Variants in MTHFS observed in about 807,000 individuals in gnomAD.
MTHFS encodes 5-formyltetrahydrofolate cyclo-ligase.
A neutral mutation model predicts 12.7 loss-of-function variants in MTHFS; 7 were observed. The ratio of observed to expected loss-of-function variants is 0.55; its 90% CI spans 0.31 to 1.03. The LOEUF is 1.03. Among genes scored for constraint, MTHFS ranks in the 50% least tolerant of loss-of-function variants. The pLI is 0.05. For missense variants in MTHFS, 252 were observed against 258.1 expected (o/e 0.98, Z 0.16); for synonymous variants, 100 against 97.1 (o/e 1.03, Z -0.18).
intron 2 of MTHFS, among the ~76,000 whole-genome samples, chr15:79,885,155 T>C (rs577353419): frequency 6.6e-6 from 1 of 152,314 alleles, no homozygotes; most frequent in East Asian, 1.9e-4. Flanking sequence ...GAACCAATCA[T>C]AACCCTCCCA....
chr15:79,893,620 C>G (rs1262159861), intron 1 of MTHFS, among the ~76,000 whole-genome samples: 1 of 151,126 alleles, frequency 6.6e-6, no homozygotes, highest in Non-Finnish European at 1.5e-5. Context: ...ATGGCATGAA[C>G]CCGGGAAGCA....
At chr15:79,851,162 T>C (rs141703526) in intron 2 of MTHFS, among the ~76,000 whole-genome samples, 307 of 152,324 alleles carry the variant, frequency 2.0e-3, no homozygotes, top group African/African-American at 4.5e-3. Context: ...GTTAACTTAT[T>C]TATCATAACA....
At chr15:79,856,790 A>G (rs1309918230) in intron 2 of MTHFS, among the ~76,000 whole-genome samples, 9 of 152,126 alleles carry the variant, frequency 5.9e-5, no homozygotes, top group Admixed American at 2.0e-4. Flanking sequence ...AAAAGAAAGA[A>G]AGAAAGAAAG....
intron 2 of MTHFS, among the ~76,000 whole-genome samples, chr15:79,852,349 C>T (rs1225070600): frequency 6.6e-6 from 1 of 152,146 alleles, no homozygotes; most frequent in Non-Finnish European, 1.5e-5. Flanking sequence ...AAAATATATT[C>T]AACTTCTGAT....
At chr15:79,861,156 A>G (rs1183488124) in intron 2 of MTHFS, among the ~76,000 whole-genome samples, 1 of 152,204 alleles carries the variant, frequency 6.6e-6, no homozygotes, top group African/African-American at 2.4e-5. Context: ...CTAGTGAAGC[A>G]GATATTATTA....
chr15:79,873,541 T>C (rs915715194), intron 2 of MTHFS, among the ~76,000 whole-genome samples: 1 of 151,742 alleles, frequency 6.6e-6, no homozygotes, highest in East Asian at 1.9e-4. Flanking sequence ...AAGAAATCAG[T>C]GAAAATCCTC....
chr15:79,846,328 G>A (rs1461865177), intron 2 of MTHFS, among the ~76,000 whole-genome samples: 1 of 152,194 alleles, frequency 6.6e-6, no homozygotes, highest in Non-Finnish European at 1.5e-5. Context: ...CTGCCCTGTA[G>A]CCTCCTTATA....
intron 2 of MTHFS, among the ~76,000 whole-genome samples, chr15:79,848,353 G>A (rs1037184881): frequency 2.0e-5 from 3 of 152,184 alleles, no homozygotes; most frequent in Non-Finnish European, 4.4e-5. Context: ...GAAAGGGGGA[G>A]ACAGAGAGTT....
At chr15:79,866,871 G>A (rs1463188635) in intron 2 of MTHFS, among the ~76,000 whole-genome samples, 2 of 152,062 alleles carry the variant, frequency 1.3e-5, no homozygotes, top group Non-Finnish European at 2.9e-5. Context: ...CAGGAGAATC[G>A]CTTGAATCCG....
At chr15:79,888,053 C>T (rs2034410342) in intron 2 of MTHFS, among the ~76,000 whole-genome samples, 1 of 152,110 alleles carries the variant, frequency 6.6e-6, no homozygotes, top group African/African-American at 2.4e-5. Flanking sequence ...CCACTTAAGT[C>T]TTAGTCAAAA....
intron 2 of MTHFS, among the ~76,000 whole-genome samples, chr15:79,860,603 T>G (rs751052854): frequency 6.6e-6 from 1 of 152,204 alleles, no homozygotes; most frequent in Non-Finnish European, 1.5e-5. Flanking sequence ...GTATATATTT[T>G]GAAATTTTCA....
At chr15:79,857,198 A>T (rs956183951) in intron 2 of MTHFS, among the ~76,000 whole-genome samples, 1 of 151,980 alleles carries the variant, frequency 6.6e-6, no homozygotes, top group Non-Finnish European at 1.5e-5. Context: ...GGGTTTCATC[A>T]TGTTGGCCAG....
chr15:79,847,669 CAAAAAA>C (rs55956333), intron 2 of MTHFS, among the ~76,000 whole-genome samples: 1 of 75,396 alleles, frequency 1.3e-5, no homozygotes. Context: ...GACTCCGTCT[CAAAAAA>C]AAAAAAAAAA....
intron 2 of MTHFS, among the ~76,000 whole-genome samples, chr15:79,871,595 T>C (rs1333280488): frequency 6.6e-6 from 1 of 151,778 alleles, no homozygotes; most frequent in Non-Finnish European, 1.5e-5. Context: ...TCTTTTATAA[T>C]TAACGATTCA....
intron 1 of MTHFS, among the ~76,000 whole-genome samples, chr15:79,893,554 C>T (rs1342781135): frequency 6.6e-6 from 1 of 151,620 alleles, no homozygotes; most frequent in African/African-American, 2.4e-5. Context: ...AAAAATTAGT[C>T]GGGCGTGGTG....
intron 2 of MTHFS, among the ~76,000 whole-genome samples, chr15:79,879,937 A>T (rs1249122841): frequency 1.3e-5 from 2 of 152,234 alleles, no homozygotes; most frequent in African/African-American, 4.8e-5. Flanking sequence ...TTAAATTTTT[A>T]CAGTGGATTT....
chr15:79,869,940 T>C (rs2034074665), intron 2 of MTHFS, among the ~76,000 whole-genome samples: 1 of 151,962 alleles, frequency 6.6e-6, no homozygotes, highest in Non-Finnish European at 1.5e-5. Flanking sequence ...GTAACTATAA[T>C]AATAATTTCA....
Position 79,843,615 on chromosome 15 carries a change from ATGAG to A in MTHFS, c.*1591_*1594del, listed in dbSNP as rs2033558261. ...TATGCTACTATCCAAAGAATAATGGATGAGTATTTTGAATGAAACACTTCCAATG... is the reference window on the plus strand; with the variant it reads ...TATGCTACTATCCAAAGAATAATGGATATTTTGAATGAAACACTTCCAATG... On this transcript the variant is annotated 3_prime_UTR_variant, in exon 3 of 3. Transcript: ENST00000258874. The A allele has an allele frequency of 6.6e-6, 1 of 152,356 alleles. No individual in the cohort carries two copies. Among genetic ancestry groups the A allele is most frequent in the Admixed American group, 6.5e-5 (1 of 15,302 alleles). 9.4% of individuals were successfully genotyped at this position (152,356 alleles called of 1,614,324 possible). A position where few individuals can be genotyped will look rare whatever the true frequency, so the allele number is the denominator to read the frequency against.
At chr15:79,871,128 G>C (rs2034097552) in intron 2 of MTHFS, among the ~76,000 whole-genome samples, 1 of 152,066 alleles carries the variant, frequency 6.6e-6, no homozygotes, top group African/African-American at 2.4e-5. Context: ...AGGCAACAGA[G>C]TGAGACTCTG....
Sources: allele counts gnomAD v4.1 joint callset (sites outside exome capture counted in the v4.1 genomes callset), GRCh38; gene constraint gnomAD v4.1.1; transcripts MANE v1.5; gene names NCBI Gene and HGNC (gene_info 2026-07-23, HGNC 2026-07-21).